The following NF1 variants were observed in gnomAD, a reference collection of about 807,000 sequenced individuals.
The protein encoded by NF1 is neurofibromin 1.
A neutral mutation model predicts 325.7 loss-of-function variants in NF1; 122 were observed. That is an observed-to-expected ratio of 0.37 (90% CI 0.32 to 0.44). The LOEUF is 0.44. Ranked by LOEUF, NF1 falls within the 20% of genes least tolerant of loss-of-function variation. The probability of loss-of-function intolerance (pLI) is 1.00; values close to 1 mark genes in which losing one functional copy is unlikely to be tolerated. For synonymous variants in NF1, 1,091 were observed against 1,186.0 expected (o/e 0.92, Z 1.65); for missense variants, 2,140 against 3,415.4 (o/e 0.63, Z 9.31).
At chr17:31,365,278 CAAA>C (rs67659795) in intron 57 of NF1, among the ~76,000 whole-genome samples, 54,716 of 100,868 alleles carry the variant, frequency 0.54, 14,422 homozygotes, top group Middle Eastern at 0.63. Flanking sequence ...GAACCTATCT[CAAA>C]AAAAAAAAAA....
At chr17:31,303,040 C>T (rs925228325) in intron 36 of NF1, among the ~76,000 whole-genome samples, 3 of 152,012 alleles carry the variant, frequency 2.0e-5, no homozygotes, top group Non-Finnish European at 4.4e-5. Flanking sequence ...ATGTAAAATT[C>T]CTGTGTCCAA....
intron 36 of NF1, among the ~76,000 whole-genome samples, chr17:31,277,726 T>C (rs2068035137): frequency 6.6e-6 from 1 of 152,198 alleles, no homozygotes; most frequent in African/African-American, 2.4e-5. Flanking sequence ...GTGGGCTGGC[T>C]ACATCCATCC....
At chr17:31,313,520 A>G (rs1373218907) in intron 36 of NF1, among the ~76,000 whole-genome samples, 1 of 152,074 alleles carries the variant, frequency 6.6e-6, no homozygotes. Context: ...CCTGGGCAAC[A>G]TAGTGAAACC....
chr17:31,330,709 A>G (rs984555168), intron 39 of NF1: 6 of 570,672 alleles, frequency 1.1e-5, no homozygotes, highest in Admixed American at 9.5e-5. Flanking sequence ...AAATTCTGAT[A>G]ATAAAAGCAA....
intron 47 of NF1, among the ~76,000 whole-genome samples, chr17:31,342,306 T>C (rs1326161437): frequency 6.6e-6 from 1 of 152,128 alleles, no homozygotes; most frequent in Non-Finnish European, 1.5e-5. Flanking sequence ...GTTAAGAATA[T>C]TTGCAAATTG....
chr17:31,157,749 G>A (rs1274246512), intron 2 of NF1, among the ~76,000 whole-genome samples: 1 of 150,248 alleles, frequency 6.7e-6, no homozygotes, highest in Non-Finnish European at 1.5e-5. Context: ...CACGAGGTCA[G>A]GAGATCAAGA....
At chr17:31,147,280 T>A (rs2952979) in intron 1 of NF1, among the ~76,000 whole-genome samples, 83,964 of 152,054 alleles carry the variant, frequency 0.55, 26,357 homozygotes, top group Middle Eastern at 0.76. Flanking sequence ...AAATCATGGG[T>A]TGAATTTAGC....
chr17:31,140,031 T>C (rs1486962028), intron 1 of NF1, among the ~76,000 whole-genome samples: 1 of 152,208 alleles, frequency 6.6e-6, no homozygotes, highest in African/African-American at 2.4e-5. Context: ...CAGTTCATTT[T>C]TCTTTTCTTA....
chr17:31,330,814 T>C (rs2069462519), intron 39 of NF1: 2 of 263,848 alleles, frequency 7.6e-6, no homozygotes, highest in South Asian at 1.3e-4. Flanking sequence ...TTTCTCTTCA[T>C]AGCAGAAAAG....
intron 57 of NF1, among the ~76,000 whole-genome samples, chr17:31,372,045 C>T (rs2070651932): frequency 6.6e-6 from 1 of 152,130 alleles, no homozygotes; most frequent in African/African-American, 2.4e-5. Flanking sequence ...TGTACATTTT[C>T]TGTAACATAA....
At chr17:31,271,462 A>C (rs2067895122) in intron 36 of NF1, among the ~76,000 whole-genome samples, 1 of 152,184 alleles carries the variant, frequency 6.6e-6, no homozygotes, top group South Asian at 2.1e-4. Flanking sequence ...AATAAAAAAT[A>C]AAATATAGAC....
intron 34 of NF1, among the ~76,000 whole-genome samples, chr17:31,261,132 A>C (rs1488244159): frequency 1.3e-5 from 2 of 151,852 alleles, no homozygotes; most frequent in African/African-American, 4.8e-5. Context: ...AATCCCAGCT[A>C]CTCGGGAGGC....
intron 36 of NF1, among the ~76,000 whole-genome samples, chr17:31,268,619 C>G (rs1457357590): frequency 2.8e-5 from 4 of 142,874 alleles, no homozygotes; most frequent in Non-Finnish European, 4.5e-5. Flanking sequence ...GAGCAAGACT[C>G]TGTCTAAAAA....
intron 1 of NF1, among the ~76,000 whole-genome samples, chr17:31,109,845 G>A (rs1913250676): frequency 6.6e-6 from 1 of 151,926 alleles, no homozygotes; most frequent in Admixed American, 6.6e-5. Flanking sequence ...ACATATTTTT[G>A]TCTTTAACAT....
chr17:31,276,467 A>G (rs2068012105), intron 36 of NF1, among the ~76,000 whole-genome samples: 1 of 152,128 alleles, frequency 6.6e-6, no homozygotes, highest in Non-Finnish European at 1.5e-5. Context: ...GCACATTCAT[A>G]ATCCCTTGTC....
rs1226080473 is a variant in NF1, at chr17:31,327,659, T to C, written c.5429T>C (p.Leu1810Pro). 6.2e-7 allele frequency: 1 copy of C among 1,614,038 alleles called. No individual in the cohort carries two copies. Among genetic ancestry groups the C allele is most frequent in the African/African-American group, 1.3e-5 (1 of 74,914 alleles). The change falls in exon 38 of 58, where the codon CTC becomes CCC. Residue 1810 changes from leucine to proline, a missense_variant. This residue lies in a region of NF1 where 147 missense variants were observed against 186.7 expected (regional missense o/e 0.79). Coordinates refer to ENST00000358273, the MANE Select transcript of NF1 (RefSeq NM_001042492.3). Reference protein sequence around the residue: ...TLTIANQGTPLTFMHQECEAI... With the variant: ...TLTIANQGTPPTFMHQECEAI... ...ACCATTGCAAACCAGGGCACGCCGC[T>C]CACCTTCATGCACCAGGAGTGTGAA...
At chr17:31,187,203 G>T (rs554983103) in intron 8 of NF1, among the ~76,000 whole-genome samples, 1 of 152,160 alleles carries the variant, frequency 6.6e-6, no homozygotes, top group African/African-American at 2.4e-5. Flanking sequence ...CACTGTTTTT[G>T]TTTGTTTGTT....
At chr17:31,121,395 CTTTTTTTTTTTT>C (rs71142019) in intron 1 of NF1, among the ~76,000 whole-genome samples, 1 of 92,528 alleles carries the variant, frequency 1.1e-5, no homozygotes. Context: ...AATCACTATT[CTTTTTTTTTTTT>C]TTTTTTTTTT....
At chr17:31,176,713 G>A (rs1173894786) in intron 5 of NF1, among the ~76,000 whole-genome samples, 3 of 152,132 alleles carry the variant, frequency 2.0e-5, no homozygotes, top group African/African-American at 4.8e-5. Flanking sequence ...TCCAGTTTCA[G>A]TTTTCTGCAT....
Sources: gnomAD v4.1 joint callset for allele counts (sites outside exome capture counted in the v4.1 genomes callset) on GRCh38, gnomAD v4.1.1 for gene constraint, gnomAD v4.1.1 regional missense constraint, MANE v1.5 for transcripts, NCBI Gene and HGNC (gene_info 2026-07-23, HGNC 2026-07-21) for gene names.